SH3GL2: variants seen among roughly 807,000 people sequenced by gnomAD.
SH3GL2 encodes SH3 domain containing GRB2 like 2, endophilin A1.
SH3GL2 carries 24 observed loss-of-function variants against 46.0 expected under a neutral mutation model. The observed-to-expected ratio is 0.52, with a 90% CI of 0.38 to 0.73. The LOEUF (loss-of-function observed/expected upper bound fraction) is 0.73. Among genes scored for constraint, SH3GL2 ranks in the 30% least tolerant of loss-of-function variants. SH3GL2 has a pLI of 0.00. For missense variants in SH3GL2, 413 were observed against 424.2 expected (o/e 0.97, Z 0.23); for synonymous variants, 196 against 147.1 (o/e 1.33, Z -2.40).
rs544867844 is a variant in SH3GL2 at position 17,584,789 on chromosome 9, A to G, written c.45+5502A>G. ...AGTCAACGATACGGGCCTGTGGGGTATATGAAAAGAAAGTGGTGACTGAAA... is the reference window on the plus strand; with the variant it reads ...AGTCAACGATACGGGCCTGTGGGGTGTATGAAAAGAAAGTGGTGACTGAAA... On this transcript the variant is annotated intron_variant, in intron 1 of 8. Coordinates refer to ENST00000380607, the MANE Select transcript of SH3GL2 (RefSeq NM_003026.5). Among the ~76,000 whole-genome samples, 4 of 152,318 alleles carry G rather than the reference A, an allele frequency of 2.6e-5. No individual in the cohort carries two copies. In the South Asian group the frequency reaches 8.3e-4, roughly 32 times the overall value.
At chr9:17,648,036 T>A (rs1177782275) in intron 1 of SH3GL2, among the ~76,000 whole-genome samples, 3 of 152,154 alleles carry the variant, frequency 2.0e-5, no homozygotes, top group African/African-American at 4.8e-5. Context: ...TTTATTAATA[T>A]TTTCTTTCTG....
Position 17,791,035 on chromosome 9 carries a change from A to AG in SH3GL2, c.625-194dup, listed in dbSNP as rs747629975. The stretch of plus-strand genomic sequence containing the variant: ...ACTGATACGCATGATTCTAAGCATA[A>AG]GGATGCTTTCTTTTATCCTTGATGG... On this transcript the variant is annotated intron_variant, in intron 6 of 8. Transcript: ENST00000380607. 9.2e-5 allele frequency among the ~76,000 whole-genome samples: 14 copies of AG among 152,274 alleles called. No individual in the cohort carries two copies. In the East Asian group the frequency reaches 2.7e-3, roughly 29 times the overall value.
intron 1 of SH3GL2, among the ~76,000 whole-genome samples, chr9:17,707,057 C>G (rs1821490092): frequency 6.6e-6 from 1 of 151,960 alleles, no homozygotes; most frequent in Non-Finnish European, 1.5e-5. Context: ...TTGCTTAACC[C>G]ATGCTGAAGA....
At chr9:17,791,025 T>A (rs947954784) in intron 6 of SH3GL2, among the ~76,000 whole-genome samples, 6 of 152,174 alleles carry the variant, frequency 3.9e-5, no homozygotes, top group Admixed American at 2.0e-4. Flanking sequence ...TACGCATGAT[T>A]CTAAGCATAA....
chr9:17,651,000 G>A (rs973194137), intron 1 of SH3GL2, among the ~76,000 whole-genome samples: 1 of 151,094 alleles, frequency 6.6e-6, no homozygotes, highest in Non-Finnish European at 1.5e-5. Flanking sequence ...GTGTGTGTTT[G>A]CACGTGTGCA....
chr9:17,736,021 G>C (rs987250573), intron 1 of SH3GL2, among the ~76,000 whole-genome samples: 2 of 152,018 alleles, frequency 1.3e-5, no homozygotes, highest in African/African-American at 2.4e-5. Flanking sequence ...TGCATTGTTG[G>C]GGTATCTCCA....
At position 17,579,135 on chromosome 9, in the gene SH3GL2, G is replaced by A. The variant is rs1563769443; in HGVS notation, c.-108G>A. On this transcript the variant is annotated 5_prime_UTR_variant, in exon 1 of 9. Transcript: ENST00000380607. ...CGCCCTCGCGCCCATAGCCCCGGCG[G>A]CGGCACGACCAGAGGCGGCCAGGGG... is the stretch of plus-strand genomic sequence containing the variant. 1.3e-5 allele frequency: 9 copies of A among 680,480 alleles called. No homozygotes were observed. In the South Asian group the frequency reaches 1.5e-4, roughly 11 times the overall value. 42.2% of individuals were successfully genotyped at this position (680,480 alleles called of 1,614,324 possible).
intron 1 of SH3GL2, among the ~76,000 whole-genome samples, chr9:17,661,738 T>A (rs550553926): frequency 6.6e-6 from 1 of 152,302 alleles, no homozygotes; most frequent in Non-Finnish European, 1.5e-5. Context: ...GGCTGCTGGA[T>A]TGGAAGTTCT....
At chr9:17,675,891 G>C (rs1588227754) in intron 1 of SH3GL2, among the ~76,000 whole-genome samples, 1 of 152,250 alleles carries the variant, frequency 6.6e-6, no homozygotes, top group South Asian at 2.1e-4. Flanking sequence ...GTTGCAGTGA[G>C]CTGAGATCGC....
intron 1 of SH3GL2, among the ~76,000 whole-genome samples, chr9:17,666,223 T>G (rs1402258341): frequency 6.6e-6 from 1 of 152,042 alleles, no homozygotes; most frequent in Admixed American, 6.6e-5. Context: ...CTCTTCAATG[T>G]TACTGTGTTC....
At chr9:17,734,901 T>A (rs1487881311) in intron 1 of SH3GL2, among the ~76,000 whole-genome samples, 1 of 152,108 alleles carries the variant, frequency 6.6e-6, no homozygotes, top group Non-Finnish European at 1.5e-5. Context: ...CATAACTCTG[T>A]AAATACACTA....
At position 17,738,545 on chromosome 9, in the gene SH3GL2, A is replaced by ATATACATATATACATAT. The variant is rs1563833701; in HGVS notation, c.46-8521_46-8520insTATACATATATACATAT. ...GTGTATATACATACATATATACATA[A>ATATACATATATACATAT]GTGTGTGTGTATATACATACATATA... On this transcript the variant is annotated intron_variant, in intron 1 of 8. Coordinates refer to ENST00000380607, the MANE Select transcript of SH3GL2 (RefSeq NM_003026.5). Among the ~76,000 whole-genome samples the ATATACATATATACATAT allele has an allele frequency of 1.9e-3, 199 of 107,324 alleles. 8 individuals carry two copies. The highest frequency in any genetic ancestry group is 0.018 in the South Asian group (55 of 3,092). The allele number at this position is 107,324 out of a possible 152,430, so 70.4% of individuals were successfully genotyped here. A position where few individuals can be genotyped will look rare whatever the true frequency, so the allele number is the denominator to read the frequency against.
At chr9:17,719,043 G>T (rs182150732) in intron 1 of SH3GL2, among the ~76,000 whole-genome samples, 1 of 152,140 alleles carries the variant, frequency 6.6e-6, no homozygotes, top group Non-Finnish European at 1.5e-5. Flanking sequence ...AGTATCTTCA[G>T]TGTGACCTGT....
intron 3 of SH3GL2, among the ~76,000 whole-genome samples, chr9:17,776,301 C>G (rs2131172000): frequency 6.6e-6 from 1 of 152,274 alleles, no homozygotes; most frequent in Admixed American, 6.5e-5. Flanking sequence ...GACATTAAAA[C>G]TCCCTGTTTT....
At chr9:17,695,650 G>C (rs767916750) in intron 1 of SH3GL2, among the ~76,000 whole-genome samples, 22 of 151,672 alleles carry the variant, frequency 1.5e-4, no homozygotes, top group Non-Finnish European at 2.5e-4. Context: ...GATGCTCCCG[G>C]GTGGTAGTGG....
chr9:17,760,127 C>T (rs1339507738), intron 2 of SH3GL2, among the ~76,000 whole-genome samples: 1 of 152,128 alleles, frequency 6.6e-6, no homozygotes, highest in Non-Finnish European at 1.5e-5. Context: ...CACACTCAAT[C>T]TTAAAGATCT....
intron 1 of SH3GL2, among the ~76,000 whole-genome samples, chr9:17,609,189 G>A (rs992056491): frequency 6.6e-6 from 1 of 152,072 alleles, no homozygotes; most frequent in South Asian, 2.1e-4. Context: ...CTCATTTTTA[G>A]ATGAGGAAAT....
At chr9:17,766,093 G>A (rs1428154970) in intron 3 of SH3GL2, among the ~76,000 whole-genome samples, 1 of 152,204 alleles carries the variant, frequency 6.6e-6, no homozygotes, top group African/African-American at 2.4e-5. Flanking sequence ...AAGACTGGAG[G>A]CTTGTCCTCT....
chr9:17,744,758 G>A (rs535279915), intron 1 of SH3GL2, among the ~76,000 whole-genome samples: 1 of 152,302 alleles, frequency 6.6e-6, no homozygotes, highest in African/African-American at 2.4e-5. Context: ...CAAGAAGCTG[G>A]CTTGCCAAAC....
Sources: gnomAD v4.1 joint callset for allele counts (sites outside exome capture counted in the v4.1 genomes callset) on GRCh38, gnomAD v4.1.1 for gene constraint, MANE v1.5 for transcripts, NCBI Gene and HGNC (gene_info 2026-07-23, HGNC 2026-07-21) for gene names.